GOLGA1: variants seen among roughly 807,000 people sequenced by gnomAD.
GOLGA1 encodes the protein golgin A1, also known as golgin subfamily A member 1.
In GOLGA1, 63 loss-of-function variants were observed where a neutral mutation model predicts 119.7. The ratio of observed to expected loss-of-function variants is 0.53; its 90% CI spans 0.43 to 0.65. The LOEUF (loss-of-function observed/expected upper bound fraction) is 0.65. GOLGA1 is among the 30% of genes least tolerant of loss of function. The probability of loss-of-function intolerance (pLI) is 0.00; values close to 1 mark genes in which losing one functional copy is unlikely to be tolerated. For missense variants in GOLGA1, 798 were observed against 912.8 expected, an observed-to-expected ratio of 0.87 and a Z score of 1.62; for synonymous variants, 318 against 333.4, an observed-to-expected ratio of 0.95 and a Z score of 0.50.
intron 12 of GOLGA1, among the ~76,000 whole-genome samples, chr9:124,902,778 C>T (rs901264364): frequency 3.9e-5 from 6 of 152,202 alleles, no homozygotes; most frequent in African/African-American, 7.2e-5. Flanking sequence ...CATGAGCCAC[C>T]GTGTCCAGCC....
rs1431225068 is a variant in GOLGA1 at position 124,886,916 on chromosome 9, CTGGGCTGCCCGCAGGACCA to C, written c.1905+1318_1905+1336del. ...GGATGAGGTGGGGTTGCGGGGAACACTGGGCTGCCCGCAGGACCATGGTCCTGAGCTTCGAGGGGACCTG... is the reference window on the plus strand; with the variant it reads ...GGATGAGGTGGGGTTGCGGGGAACACTGGTCCTGAGCTTCGAGGGGACCTG... On this transcript the variant is annotated intron_variant, in intron 19 of 22. Transcript: ENST00000373555. 2.6e-5 allele frequency among the ~76,000 whole-genome samples: 4 copies of C among 152,046 alleles called. No individual in the cohort carries two copies. In the East Asian group the frequency reaches 7.7e-4, roughly 29 times the overall value.
intron 10 of GOLGA1, among the ~76,000 whole-genome samples, chr9:124,912,605 C>G (rs144781855): frequency 6.6e-6 from 1 of 152,238 alleles, no homozygotes; most frequent in South Asian, 2.1e-4. Context: ...TACAGTGGCG[C>G]GATCTCGGCT....
At position 124,889,529 on chromosome 9, in the gene GOLGA1, T is replaced by G. The variant is rs755238565; in HGVS notation, c.1505A>C (p.Asn502Thr). 1.2e-6 allele frequency: 2 copies of G among 1,609,864 alleles called. No homozygotes were observed. Among genetic ancestry groups the G allele is most frequent in the Non-Finnish European group, 1.7e-6 (2 of 1,176,092 alleles). ...CTTCTCGTCTATTATGGCTGTCAGG[T>G]TAGCTGCCTTGGAGAGAAAAATCAA... ...QREEFQQQAA[N>T]LTAIIDEKEQ... The change falls in exon 17 of 23, where the codon AAC becomes ACC. Residue 502 changes from asparagine (N) to threonine (T), a missense_variant. By Grantham distance (65) the Asn-to-Thr change is moderately conservative (BLOSUM62 0). Coordinates refer to ENST00000373555, the MANE Select transcript of GOLGA1 (RefSeq NM_002077.4).
intron 12 of GOLGA1, among the ~76,000 whole-genome samples, chr9:124,901,842 T>C (rs930177596): frequency 6.6e-6 from 1 of 152,184 alleles, no homozygotes; most frequent in Non-Finnish European, 1.5e-5. Context: ...TTCCTTGAAG[T>C]GGAATTACTG....
At chr9:124,911,450 C>T (rs1830339787) in intron 11 of GOLGA1, among the ~76,000 whole-genome samples, 1 of 152,198 alleles carries the variant, frequency 6.6e-6, no homozygotes, top group Admixed American at 6.5e-5. Flanking sequence ...AGAAAGTTCC[C>T]TTGCACCACT....
At chr9:124,891,429 A>G (rs1250362084) in intron 15 of GOLGA1, among the ~76,000 whole-genome samples, 1 of 152,260 alleles carries the variant, frequency 6.6e-6, no homozygotes, top group Non-Finnish European at 1.5e-5. Flanking sequence ...TACATGAAGC[A>G]AAGACAGACA....
At chr9:124,913,552 T>C (rs1830380480) in intron 10 of GOLGA1, among the ~76,000 whole-genome samples, 2 of 152,202 alleles carry the variant, frequency 1.3e-5, no homozygotes, top group African/African-American at 4.8e-5. Context: ...CCAGGGTGTA[T>C]GGTTTTGGGA....
At chr9:124,926,772 C>T in intron 6 of GOLGA1, 31 bp from the exon 7 acceptor site, 2 of 1,383,790 alleles carry the variant, frequency 1.4e-6, no homozygotes. Context: ...AGTATGGTTT[C>T]CAGTGAAGAG....
At chr9:124,926,659 C>A in intron 7 of GOLGA1, 50 bp downstream of exon 7, 2 of 1,218,252 alleles carry the variant, frequency 1.6e-6, no homozygotes, top group Non-Finnish European at 2.4e-6. Flanking sequence ...GTTTTCCATA[C>A]CCCAGAGACG....
intron 11 of GOLGA1, among the ~76,000 whole-genome samples, chr9:124,909,031 C>G (rs749554234): frequency 6.6e-6 from 1 of 152,138 alleles, no homozygotes; most frequent in African/African-American, 2.4e-5. Flanking sequence ...AATTCTAGGC[C>G]GGGTGTGGTG....
chr9:124,931,612 G>C (rs1464223498), intron 3 of GOLGA1, among the ~76,000 whole-genome samples: 1 of 152,158 alleles, frequency 6.6e-6, no homozygotes, highest in Non-Finnish European at 1.5e-5. Context: ...ATGCTAAACA[G>C]ATCAATTTTA....
chr9:124,903,820 G>A (rs1428502431), intron 12 of GOLGA1, among the ~76,000 whole-genome samples: 5 of 152,140 alleles, frequency 3.3e-5, no homozygotes, highest in Non-Finnish European at 4.4e-5. Flanking sequence ...GGAGGCCGAG[G>A]TGGGCGGGTC....
chr9:124,928,374 G>T, intron 5 of GOLGA1, 89 bp from the exon 6 acceptor site: 1 of 615,720 alleles, frequency 1.6e-6, no homozygotes. Flanking sequence ...GTCACCTAAT[G>T]AAAAAGGCCA....
chr9:124,910,254 G>A (rs1830315234), intron 11 of GOLGA1, among the ~76,000 whole-genome samples: 2 of 150,606 alleles, frequency 1.3e-5, no homozygotes, highest in African/African-American at 2.4e-5. Flanking sequence ...TAATAGAGGC[G>A]GGGTTTTGCC....
intron 13 of GOLGA1, 27 bp downstream of exon 13, chr9:124,900,425 A>T: frequency 9.0e-7 from 1 of 1,113,942 alleles, no homozygotes; most frequent in Non-Finnish European, 1.4e-6. Flanking sequence ...AAGGGCCTGG[A>T]ATGCAGCAGC....
At chr9:124,896,187 G>A (rs1217196899) in intron 15 of GOLGA1, among the ~76,000 whole-genome samples, 1 of 152,154 alleles carries the variant, frequency 6.6e-6, no homozygotes, top group South Asian at 2.1e-4. Flanking sequence ...GCCAACGCAG[G>A]TGGATCACTT....
chr9:124,879,699 CTG>C lies in GOLGA1; in HGVS notation c.*829_*830del, dbSNP rs1352386537. 3.3e-5 allele frequency: 5 copies of C among 152,026 alleles called. No individual in the cohort carries two copies. The allele number at this position is 152,026 out of a possible 1,614,324, so 9.4% of individuals were successfully genotyped here. ...ATCCTAGTTTTAGGAAGAATTTCCT[CTG>C]GACGCTCTGATTTTAAGAACACCAG... On this transcript the variant is annotated 3_prime_UTR_variant, in exon 23 of 23. Transcript: ENST00000373555.
chr9:124,909,608 C>CAAAAA (rs58372596), intron 11 of GOLGA1, among the ~76,000 whole-genome samples: 32 of 87,240 alleles, frequency 3.7e-4, no homozygotes, highest in African/African-American at 8.6e-4. Flanking sequence ...GACTCCGTCT[C>CAAAAA]AAAAAAAAAA....
At chr9:124,892,675 G>A (rs1829881755) in intron 15 of GOLGA1, among the ~76,000 whole-genome samples, 1 of 152,112 alleles carries the variant, frequency 6.6e-6, no homozygotes, top group Non-Finnish European at 1.5e-5. Flanking sequence ...GCTCACGCCT[G>A]TAATCCCAGC....
Sources: gnomAD v4.1 joint callset for allele counts (sites outside exome capture counted in the v4.1 genomes callset) on GRCh38, gnomAD v4.1.1 for gene constraint, MANE v1.5 for transcripts, NCBI Gene and HGNC (gene_info 2026-07-23, HGNC 2026-07-21) for gene names.